The following PROSER1 variants were observed in gnomAD, a reference collection of about 807,000 sequenced individuals.
PROSER1 encodes the protein proline and serine rich 1.
PROSER1 carries 36 observed loss-of-function variants against 71.8 expected under a neutral mutation model. That is an observed-to-expected ratio of 0.50 (90% confidence interval 0.38 to 0.66). The LOEUF is 0.66. PROSER1 is among the 30% of genes least tolerant of loss of function. The probability of loss-of-function intolerance (pLI) is 0.00; values close to 1 mark genes in which losing one functional copy is unlikely to be tolerated. For synonymous variants in PROSER1, 490 were observed against 452.4 expected, an observed-to-expected ratio of 1.08 and a Z score of -1.06; for missense variants, 1,107 against 1,135.0, an observed-to-expected ratio of 0.98 and a Z score of 0.35.
At chr13:39,019,195 A>G (rs1461868531) in intron 9 of PROSER1, among the ~76,000 whole-genome samples, 4 of 152,176 alleles carry the variant, frequency 2.6e-5, no homozygotes, top group South Asian at 4.1e-4. Context: ...CCAACAAAAC[A>G]TACAAATTGA....
chr13:39,011,843 GC>G (rs1869674273), intron 12 of PROSER1, among the ~76,000 whole-genome samples: 1 of 152,154 alleles, frequency 6.6e-6, no homozygotes, highest in Non-Finnish European at 1.5e-5. Flanking sequence ...AAATCTATAA[GC>G]AGGAAGGAAA....
chr13:39,037,456 G>C lies in PROSER1; in HGVS notation c.-214C>G, dbSNP rs191967601. On this transcript the variant is annotated 5_prime_UTR_variant, in exon 1 of 13. Transcript: ENST00000352251. ...TCAGAAAAACTCTTTTTATTAAAAA[G>C]AAAAAACACTCCAGTCAGGCTTCCC... The C allele has an allele frequency of 1.1e-5, 6 of 552,504 alleles. No homozygotes were observed. The East Asian group carries it at 1.5e-4, about 14-fold the overall frequency. 34.2% of individuals were successfully genotyped at this position (552,504 alleles called of 1,614,324 possible).
rs561187261 is a variant in PROSER1, at chr13:39,014,075, T to A, written c.1177A>T (p.Ser393Cys). Residue 393 changes from serine (S) to cysteine (C), a missense_variant, in exon 11 of 13, where the codon AGT becomes TGT. Coordinates refer to ENST00000352251, the MANE Select transcript of PROSER1 (RefSeq NM_025138.5). ...GCAGAAGTAGAAGCAAATGCTTCAC[T>A]GGAACCAAGAGTGGACCGTGGTGTA... The part of the protein sequence containing the change: ...GPTPRSTLGS[S>C]EAFASTSAPF... 2 of 1,614,172 alleles carry A rather than the reference T, an allele frequency of 1.2e-6. No homozygotes were observed. The highest frequency in any genetic ancestry group is 2.2e-5 in the South Asian group (2 of 91,084).
chr13:39,036,329 C>T (rs758435271), intron 1 of PROSER1, among the ~76,000 whole-genome samples: 1 of 152,144 alleles, frequency 6.6e-6, no homozygotes, highest in African/African-American at 2.4e-5. Context: ...AGACCAGAGA[C>T]AATTTTAATA....
chr13:39,037,141 G>T, intron 1 of PROSER1, 57 bp downstream of exon 1: 1 of 1,281,504 alleles, frequency 7.8e-7, no homozygotes, highest in Non-Finnish European at 1.1e-6. Context: ...ACCTCAAAGA[G>T]AGTCTAAAAC....
Position 39,034,154 on chromosome 13 carries a change from G to A in PROSER1, c.88C>T (p.His30Tyr), listed in dbSNP as rs1870984474. 2 of 1,584,122 alleles carry A rather than the reference G, an allele frequency of 1.3e-6. No individual in the cohort carries two copies. The highest frequency in any genetic ancestry group is 1.7e-6 in the Non-Finnish European group (2 of 1,168,698). The change falls in exon 2 of 13, where the codon CAT (histidine) becomes TAT (tyrosine). Residue 30 changes from histidine to tyrosine, a missense_variant. Coordinates refer to ENST00000352251, the MANE Select transcript of PROSER1 (RefSeq NM_025138.5). ...ACCTGTTCACTAGAAAAGTATCCAT[G>A]CACATATTCAATTGCTTTTAATTTG... is the stretch of plus-strand genomic sequence containing the variant. ...EYKLKAIEYV[H>Y]GYFSSEQVVD...
chr13:39,037,594 G>A lies in PROSER1; in HGVS notation c.-352C>T, dbSNP rs141698261. On this transcript the variant is annotated 5_prime_UTR_variant, in exon 1 of 13. Transcript: ENST00000352251. Reference sequence around the variant, plus strand: ...TTGAGTGCGGTTTCCCTGCAGCTGAGGGCCAGGTGCCGCCAGAGGTAGCTC... The same window carrying A: ...TTGAGTGCGGTTTCCCTGCAGCTGAAGGCCAGGTGCCGCCAGAGGTAGCTC... 399 of 206,976 alleles carry A rather than the reference G, an allele frequency of 1.9e-3. 5 individuals carry two copies. The East Asian group carries it at 0.034, about 17-fold the overall frequency. 12.8% of individuals were successfully genotyped at this position (206,976 alleles called of 1,614,324 possible). A position where few individuals can be genotyped will look rare whatever the true frequency, so the allele number is the denominator to read the frequency against.
In PROSER1 at chr13:39,013,716, A is replaced by G. The variant is rs1488615598; in HGVS notation, c.1536T>C (p.Ala512=). The G allele has an allele frequency of 3.1e-6, 5 of 1,614,096 alleles. No individual in the cohort carries two copies. In the African/African-American group the frequency reaches 5.3e-5, roughly 17 times the overall value. ...SLTLQNSDSS[A]SAPNKCYAPS... ...GGGCATAGCACTTGTTAGGGGCTGAAGCAGAAGAGTCAGAGTTCTGAAGAG... is the reference window on the plus strand; with the variant it reads ...GGGCATAGCACTTGTTAGGGGCTGAGGCAGAAGAGTCAGAGTTCTGAAGAG... The change falls in exon 11 of 13, where the codon GCT becomes GCC. Residue 512 remains alanine (A), a synonymous_variant. Transcript: ENST00000352251.
chr13:39,010,591 CAGTA>C lies in PROSER1; in HGVS notation c.*770_*773del, dbSNP rs1869595540. 6.6e-6 allele frequency: 1 copy of C among 152,614 alleles called. No homozygotes were observed. The highest frequency in any genetic ancestry group is 6.5e-5 in the Admixed American group (1 of 15,272). The allele number at this position is 152,614 out of a possible 1,614,324, so 9.5% of individuals were successfully genotyped here. On this transcript the variant is annotated 3_prime_UTR_variant, in exon 13 of 13. Coordinates refer to ENST00000352251, the MANE Select transcript of PROSER1 (RefSeq NM_025138.5). The stretch of plus-strand genomic sequence containing the variant: ...ACATTCACCAGGAGCTTCCATAGTA[CAGTA>C]AGTAACAGAGGTGGCCCAAGAGTCA...
In PROSER1 at chr13:39,011,424, A is replaced by C. The variant is rs1869649971; in HGVS notation, c.2776T>G (p.Ser926Ala). ...AQPDGFPSYP[S>A]APGTPFSLQP... Reference sequence around the variant, plus strand: ...AAAGAAAATGGTGTTCCTGGCGCTGAAGGATAACTAGGAAACCCATCAGGC... The same window carrying C: ...AAAGAAAATGGTGTTCCTGGCGCTGCAGGATAACTAGGAAACCCATCAGGC... The change falls in exon 13 of 13, where the codon TCA becomes GCA. Residue 926 changes from serine to alanine, a missense_variant. Coordinates refer to ENST00000352251, the MANE Select transcript of PROSER1 (RefSeq NM_025138.5). 1 of 1,613,974 alleles carries C rather than the reference A, an allele frequency of 6.2e-7. No individual in the cohort carries two copies. Among genetic ancestry groups the C allele is most frequent in the South Asian group, 1.1e-5 (1 of 91,082 alleles).
At position 39,014,491 on chromosome 13, in the gene PROSER1, GA is replaced by G. The variant is rs766586308; in HGVS notation, c.776-16del. The G allele has an allele frequency of 7.1e-6, 11 of 1,552,812 alleles. No individual in the cohort carries two copies. In the South Asian group the frequency reaches 7.1e-5, roughly 10 times the overall value. ...GGTGGAAAATGCTATATGGAAGGGG[GA>G]AAAAAGGCAAGAATGTATCATCATG... On this transcript the variant is annotated splice_polypyrimidine_tract_variant and intron_variant, in intron 10 of 12. Transcript: ENST00000352251.
rs376712233 is a variant in PROSER1, at chr13:39,014,336, T to C, written c.916A>G (p.Met306Val). Residue 306 changes from methionine to valine, a missense_variant, in exon 11 of 13, where the codon ATG (methionine) becomes GTG (valine). By Grantham distance (21) the Met-to-Val change is conservative. Transcript: ENST00000352251. Reference protein sequence around the residue: ...SASAAATVSGMNLLNTVLPVF... With the variant: ...SASAAATVSGVNLLNTVLPVF... The stretch of plus-strand genomic sequence containing the variant: ...GGAAGGACAGTATTCAGCAGGTTCA[T>C]TCCAGAAACGGTGGCAGCTGCTGAT... 2 of 1,614,004 alleles carry C rather than the reference T, an allele frequency of 1.2e-6. No homozygotes were observed. The highest frequency in any genetic ancestry group is 1.3e-5 in the African/African-American group (1 of 74,908).
At chr13:39,021,036 T>A (rs957072337) in intron 9 of PROSER1, among the ~76,000 whole-genome samples, 2 of 152,212 alleles carry the variant, frequency 1.3e-5, no homozygotes, top group African/African-American at 4.8e-5. Context: ...TGTGTTTACA[T>A]ATGTGACCCA....
chr13:39,018,720 G>A (rs993217166), intron 9 of PROSER1, among the ~76,000 whole-genome samples: 3 of 151,920 alleles, frequency 2.0e-5, no homozygotes, highest in African/African-American at 7.3e-5. Context: ...GGCTTAGAAA[G>A]CAAATACAGA....
At chr13:39,024,685 ATTTC>A in intron 6 of PROSER1, 129 bp from the exon 7 acceptor site, 1 of 664,524 alleles carries the variant, frequency 1.5e-6, no homozygotes, top group East Asian at 2.7e-5. Flanking sequence ...TTGCATTCCC[ATTTC>A]AGTTCTGCAC....
chr13:39,011,353 A>T lies in PROSER1; in HGVS notation c.*12T>A. On this transcript the variant is annotated 3_prime_UTR_variant, in exon 13 of 13. Transcript: ENST00000352251. ...TGATGTTGCTCTGAAGGAGAATAAA[A>T]GTTAAAAGTATTCACTGCCACCCAC... 6.2e-7 allele frequency: 1 copy of T among 1,613,314 alleles called. No individual in the cohort carries two copies. Among genetic ancestry groups the T allele is most frequent in the Non-Finnish European group, 8.5e-7 (1 of 1,179,670 alleles).
Position 39,032,602 on chromosome 13 carries a change from G to GAT in PROSER1, c.112-973_112-972dup, listed in dbSNP as rs984322527. Reference sequence around the variant, plus strand: ...AAATAATTTTTACTCCTTATAAAGAGATATATATATATAGCAAATAAGTAT... The same window carrying GAT: ...AAATAATTTTTACTCCTTATAAAGAGATATATATATATATAGCAAATAAGTAT... On this transcript the variant is annotated intron_variant, in intron 2 of 12. Transcript: ENST00000352251. 1.2e-3 allele frequency among the ~76,000 whole-genome samples: 188 copies of GAT among 151,630 alleles called. No homozygotes were observed. The East Asian group carries it at 0.022, about 18-fold the overall frequency.
At chr13:39,035,396 C>A (rs1871049744) in intron 1 of PROSER1, among the ~76,000 whole-genome samples, 1 of 152,130 alleles carries the variant, frequency 6.6e-6, no homozygotes, top group Non-Finnish European at 1.5e-5. Context: ...TGCCCCCAGC[C>A]CCCAACTTAC....
intron 11 of PROSER1, 145 bp downstream of exon 11, chr13:39,012,546 T>C (rs1566220127): frequency 1.4e-6 from 1 of 695,328 alleles, no homozygotes; most frequent in Non-Finnish European, 2.4e-6. Context: ...CTTAACATGG[T>C]TCATAAAACA....
Sources: allele counts gnomAD v4.1 joint callset (sites outside exome capture counted in the v4.1 genomes callset), GRCh38; gene constraint gnomAD v4.1.1; transcripts MANE v1.5; gene names NCBI Gene and HGNC (gene_info 2026-07-23, HGNC 2026-07-21).